WDR41: variants seen among roughly 807,000 people sequenced by gnomAD.
The protein encoded by WDR41 is WD repeat-containing protein 41.
Under a neutral mutation model 69.3 loss-of-function variants are expected in WDR41, and 63 were observed. The ratio of observed to expected loss-of-function variants is 0.91; its 90% CI spans 0.74 to 1.12. The LOEUF (loss-of-function observed/expected upper bound fraction) is 1.12. Among genes scored for constraint, WDR41 ranks in the 50% most tolerant of loss-of-function variants. The pLI, the probability that WDR41 is intolerant of heterozygous loss-of-function variation, is 0.00. For synonymous variants in WDR41, 185 were observed against 192.1 expected, an observed-to-expected ratio of 0.96 and a Z score of 0.31; for missense variants, 543 against 534.5, an observed-to-expected ratio of 1.02 and a Z score of -0.16.
chr5:77,611,718 C>T (rs1426008699), intron 1 of WDR41, among the ~76,000 whole-genome samples: 1 of 151,674 alleles, frequency 6.6e-6, no homozygotes, highest in Non-Finnish European at 1.5e-5. Flanking sequence ...ACCCTAACAT[C>T]ACAATTAAAA....
At chr5:77,620,161 C>T (rs992680352) in intron 1 of WDR41, among the ~76,000 whole-genome samples, 2 of 152,158 alleles carry the variant, frequency 1.3e-5, no homozygotes, top group Non-Finnish European at 2.9e-5. Context: ...AAAGTAGATT[C>T]TTCTCAGGTG....
intron 1 of WDR41, among the ~76,000 whole-genome samples, chr5:77,593,732 G>A (rs945275182): frequency 5.9e-5 from 9 of 152,058 alleles, no homozygotes; most frequent in Admixed American, 5.9e-4. Context: ...GAAGGATTAC[G>A]TGACTTAAGT....
intron 1 of WDR41, among the ~76,000 whole-genome samples, chr5:77,585,901 A>G (rs1274528505): frequency 6.6e-6 from 1 of 152,174 alleles, no homozygotes; most frequent in Non-Finnish European, 1.5e-5. Flanking sequence ...GAGTGCACCA[A>G]AATCTCACAA....
intron 2 of WDR41, among the ~76,000 whole-genome samples, chr5:77,484,845 C>T (rs1033003629): frequency 1.3e-5 from 2 of 152,200 alleles, no homozygotes; most frequent in African/African-American, 4.8e-5. Flanking sequence ...TGACTGCCTC[C>T]AGCTGTTGAC....
In WDR41 at chr5:77,598,644, C is replaced by CTTTTTTTT. The variant is rs765785617; in HGVS notation, c.42+21827_42+21834dup. On this transcript the variant is annotated intron_variant, in intron 1 of 5. Coordinates refer to the WDR41 transcript ENST00000509971. ...GAAGTTATGTGAATCAGTAAGTTTC[C>CTTTTTTTT]TTTTTTTTTTTGTTTTTTTTGTAGC... Among the ~76,000 whole-genome samples the CTTTTTTTT allele has an allele frequency of 9.9e-5, 12 of 121,354 alleles. 2 individuals carry two copies. The highest frequency in any genetic ancestry group is 1.7e-4 in the African/African-American group (6 of 34,412). The allele number at this position is 121,354 out of a possible 152,430, so 79.6% of individuals were successfully genotyped here.
At chr5:77,485,125 A>C (rs1173498764) in intron 2 of WDR41, among the ~76,000 whole-genome samples, 1 of 152,058 alleles carries the variant, frequency 6.6e-6, no homozygotes, top group Non-Finnish European at 1.5e-5. Flanking sequence ...CCCTTATCCA[A>C]TTCTGCTTCC....
At chr5:77,472,926 C>T (rs948796931) in intron 2 of WDR41, among the ~76,000 whole-genome samples, 2 of 152,016 alleles carry the variant, frequency 1.3e-5, no homozygotes, top group Non-Finnish European at 2.9e-5. Flanking sequence ...ACTACTTTCA[C>T]GTTCATATGG....
chr5:77,582,753 C>T, intron 1 of WDR41: 2 of 1,595,272 alleles, frequency 1.3e-6, no homozygotes, highest in Non-Finnish European at 1.7e-6. Context: ...TGAAGCTCAA[C>T]AAGGCTTCGA....
chr5:77,577,356 A>G (rs1488730218), intron 1 of WDR41, among the ~76,000 whole-genome samples: 1 of 151,826 alleles, frequency 6.6e-6, no homozygotes, highest in East Asian at 1.9e-4. Flanking sequence ...CAAAGGAAAT[A>G]AAGATAATTT....
chr5:77,448,996 C>G (rs1301754245), intron 8 of WDR41, among the ~76,000 whole-genome samples: 1 of 152,134 alleles, frequency 6.6e-6, no homozygotes, highest in Non-Finnish European at 1.5e-5. Context: ...CTTACAGGAT[C>G]GTCCTGCAGG....
chr5:77,597,598 A>T (rs527956435), intron 1 of WDR41, among the ~76,000 whole-genome samples: 1 of 152,286 alleles, frequency 6.6e-6, no homozygotes, highest in African/African-American at 2.4e-5. Flanking sequence ...ACCCAATATC[A>T]TATACCTCTT....
At chr5:77,547,200 G>A (rs949798568) in intron 1 of WDR41, among the ~76,000 whole-genome samples, 3 of 152,030 alleles carry the variant, frequency 2.0e-5, no homozygotes, top group Non-Finnish European at 2.9e-5. Context: ...CATTCCCTCT[G>A]AGAACTGGAA....
chr5:77,547,753 A>G (rs1490837762), intron 1 of WDR41, among the ~76,000 whole-genome samples: 4 of 152,118 alleles, frequency 2.6e-5, no homozygotes, highest in African/African-American at 9.7e-5. Flanking sequence ...AAATACCACT[A>G]TTATTCCTCA....
At chr5:77,436,158 A>AT in intron 12 of WDR41, 103 bp downstream of exon 12, 1 of 1,434,666 alleles carries the variant, frequency 7.0e-7, no homozygotes, top group African/African-American at 1.4e-5. Flanking sequence ...ACACCTACAG[A>AT]TATAAGAAAA....
chr5:77,563,346 A>G (rs1399906726), intron 1 of WDR41, among the ~76,000 whole-genome samples: 5 of 152,104 alleles, frequency 3.3e-5, no homozygotes, highest in African/African-American at 1.2e-4. Flanking sequence ...CACATGCTAT[A>G]CCAAATTCTC....
Position 77,432,599 on chromosome 5 carries a change from A to G in WDR41, c.*536T>C, listed in dbSNP as rs1018204708. The G allele has an allele frequency of 6.6e-6, 1 of 152,254 alleles. No individual in the cohort carries two copies. Among genetic ancestry groups the G allele is most frequent in the Non-Finnish European group, 1.5e-5 (1 of 68,058 alleles). The allele number at this position is 152,254 out of a possible 1,614,324, so 9.4% of individuals were successfully genotyped here. On this transcript the variant is annotated 3_prime_UTR_variant, in exon 13 of 13. Transcript: ENST00000296679. ...TACAGGTTTTAGTAGCTAGAACTAA[A>G]AAACATTTTTAAAATTATCTAAACA...
intron 1 of WDR41, among the ~76,000 whole-genome samples, chr5:77,557,593 C>T (rs1427105779): frequency 2.0e-5 from 3 of 152,016 alleles, no homozygotes. Context: ...AACACTTGTA[C>T]ACTTCTCATG....
At chr5:77,506,489 A>G (rs527939924) in intron 1 of WDR41, among the ~76,000 whole-genome samples, 2 of 152,330 alleles carry the variant, frequency 1.3e-5, no homozygotes, top group African/African-American at 4.8e-5. Flanking sequence ...CGATTCCTCA[A>G]GGATCTAGAA....
intron 1 of WDR41, among the ~76,000 whole-genome samples, chr5:77,515,458 G>A (rs1183531010): frequency 6.6e-6 from 1 of 152,158 alleles, no homozygotes; most frequent in Non-Finnish European, 1.5e-5. Flanking sequence ...ATCTCCTGAA[G>A]GATCAGCCTG....
Sources: allele counts gnomAD v4.1 joint callset (sites outside exome capture counted in the v4.1 genomes callset), GRCh38; gene constraint gnomAD v4.1.1; transcripts MANE v1.5; gene names NCBI Gene and HGNC (gene_info 2026-07-23, HGNC 2026-07-21).